Variants in POU3F3 observed in about 807,000 individuals in gnomAD.
POU3F3 encodes the protein POU domain, class 3, transcription factor 3.
In POU3F3, 1 loss-of-function variant was observed where a neutral mutation model predicts 8.6. That is an observed-to-expected ratio of 0.12 (90% CI 0.04 to 0.55). The LOEUF is 0.55. Ranked by LOEUF, POU3F3 falls within the 20% of genes least tolerant of loss-of-function variation. The pLI, the probability that POU3F3 is intolerant of heterozygous loss-of-function variation, is 0.91. For missense variants in POU3F3, 577 were observed against 690.7 expected, an observed-to-expected ratio of 0.84 and a Z score of 1.84; for synonymous variants, 418 against 327.4, an observed-to-expected ratio of 1.28 and a Z score of -2.99.
chr2:104,864,072 C>A, the POU3F3 span, among the ~76,000 whole-genome samples: 1 of 152,226 alleles, frequency 6.6e-6, no homozygotes, highest in Non-Finnish European at 1.5e-5. Flanking sequence ...CCAGGGTAAA[C>A]TGCCTGTGCC....
At chr2:104,881,415 C>G in the POU3F3 span, among the ~76,000 whole-genome samples, 5 of 152,118 alleles carry the variant, frequency 3.3e-5, no homozygotes, top group Admixed American at 1.3e-4. Context: ...GTCCTCTTGC[C>G]TCAGCCTCCC....
At chr2:104,867,281 TG>T in the POU3F3 span, 32 of 152,298 alleles carry the variant, frequency 2.1e-4, no homozygotes, top group African/African-American at 7.7e-4. This position sits in a 1 kb window ranked among gnomAD's most constrained non-coding sequence, Gnocchi z 5.0. Context: ...CAGTTGATCC[TG>T]GGCAGATCCC....
chr2:104,899,164 C>G, the POU3F3 span, among the ~76,000 whole-genome samples: 3 of 152,180 alleles, frequency 2.0e-5, no homozygotes, highest in Non-Finnish European at 4.4e-5. Context: ...CTCCCTGACA[C>G]GGGAAAATTC....
chr2:104,873,470 G>A, the POU3F3 span, among the ~76,000 whole-genome samples: 1 of 152,124 alleles, frequency 6.6e-6, no homozygotes, highest in Admixed American at 6.5e-5. Context: ...CCCGACCCGC[G>A]ACGGGGCCAC....
the POU3F3 span, among the ~76,000 whole-genome samples, chr2:104,906,635 T>C: frequency 1.3e-5 from 2 of 152,236 alleles, no homozygotes; most frequent in African/African-American, 4.8e-5. Context: ...TCTGCCCTGT[T>C]CCAGCAAAGT....
At chr2:104,920,549 G>A in the POU3F3 span, among the ~76,000 whole-genome samples, 1 of 152,264 alleles carries the variant, frequency 6.6e-6, no homozygotes, top group South Asian at 2.1e-4. Flanking sequence ...GATGTGGTCA[G>A]TATGTGATCT....
At chr2:104,882,503 C>T in the POU3F3 span, among the ~76,000 whole-genome samples, 6 of 152,094 alleles carry the variant, frequency 3.9e-5, no homozygotes, top group African/African-American at 9.7e-5. Flanking sequence ...CCACCCGCCT[C>T]GGCTTCCGAA....
chr2:104,917,783 TTC>T, the POU3F3 span, among the ~76,000 whole-genome samples: 1 of 152,336 alleles, frequency 6.6e-6, no homozygotes, highest in African/African-American at 2.4e-5. Flanking sequence ...TCCAGGATTC[TTC>T]TCTCTTATCC....
the POU3F3 span, among the ~76,000 whole-genome samples, chr2:104,864,167 G>A: frequency 6.6e-6 from 1 of 152,250 alleles, no homozygotes; most frequent in Admixed American, 6.5e-5. Context: ...TGAGACCGCG[G>A]TGTGCGGGCG....
the POU3F3 span, among the ~76,000 whole-genome samples, chr2:104,922,730 G>C: frequency 6.6e-6 from 1 of 152,076 alleles, no homozygotes; most frequent in Non-Finnish European, 1.5e-5. Context: ...AGAGAGACTG[G>C]GGCAAAGAAA....
At chr2:104,862,571 T>G (rs1237748736), downstream of POU3F3, among the ~76,000 whole-genome samples, 1 of 140,202 alleles carries the variant, frequency 7.1e-6, no homozygotes, top group Non-Finnish European at 1.6e-5. Flanking sequence ...GGCGCGGAGG[T>G]GGGGCGGTGG....
At chr2:104,898,981 T>A in the POU3F3 span, among the ~76,000 whole-genome samples, 3 of 152,156 alleles carry the variant, frequency 2.0e-5, no homozygotes, top group Non-Finnish European at 4.4e-5. Context: ...ATTCGATTGG[T>A]GATTGGAAGG....
chr2:104,871,944 T>A, the POU3F3 span, among the ~76,000 whole-genome samples: 1 of 151,974 alleles, frequency 6.6e-6, no homozygotes, highest in African/African-American at 2.4e-5. Flanking sequence ...CCAGCGAAAG[T>A]TTCCCCCGCT....
At chr2:104,911,831 A>G in the POU3F3 span, among the ~76,000 whole-genome samples, 2 of 152,068 alleles carry the variant, frequency 1.3e-5, no homozygotes, top group Non-Finnish European at 2.9e-5. Flanking sequence ...AGAGGGAGAG[A>G]GAGAGAGAGA....
At chr2:104,927,114 T>G in the POU3F3 span, among the ~76,000 whole-genome samples, 1 of 152,270 alleles carries the variant, frequency 6.6e-6, no homozygotes, top group South Asian at 2.1e-4. Flanking sequence ...TATATGTATA[T>G]ATAGTCCTCA....
At chr2:104,873,976 G>A in the POU3F3 span, among the ~76,000 whole-genome samples, 1 of 152,228 alleles carries the variant, frequency 6.6e-6, no homozygotes, top group Non-Finnish European at 1.5e-5. Context: ...TTTTCCTTTG[G>A]CCTGTGATGG....
chr2:104,916,354 G>A, the POU3F3 span, among the ~76,000 whole-genome samples: 1 of 152,184 alleles, frequency 6.6e-6, no homozygotes, highest in Non-Finnish European at 1.5e-5. Context: ...TGCTGGGTAA[G>A]AAATGAACCC....
the POU3F3 span, among the ~76,000 whole-genome samples, chr2:104,925,576 C>A: frequency 6.6e-6 from 1 of 152,090 alleles, no homozygotes; most frequent in African/African-American, 2.4e-5. Flanking sequence ...GTGAGCCATG[C>A]AGAACCTAGA....
chr2:104,900,127 G>C, the POU3F3 span, among the ~76,000 whole-genome samples: 1 of 152,236 alleles, frequency 6.6e-6, no homozygotes, highest in Non-Finnish European at 1.5e-5. Flanking sequence ...CAGCAGGATA[G>C]AGTTTCTAGT....
Sources: allele counts gnomAD v4.1 joint callset (sites outside exome capture counted in the v4.1 genomes callset), GRCh38; gene constraint gnomAD v4.1.1; non-coding constraint Gnocchi (gnomAD v3.1); transcripts MANE v1.5; gene names NCBI Gene and HGNC (gene_info 2026-07-23, HGNC 2026-07-21).